The following STARD9 variants were observed in gnomAD, a reference collection of about 807,000 sequenced individuals.
The protein encoded by STARD9 is stAR-related lipid transfer protein 9.
STARD9 carries 346 observed loss-of-function variants against 399.8 expected under a neutral mutation model. The ratio of observed to expected loss-of-function variants is 0.87; its 90% CI spans 0.79 to 0.95. The LOEUF (loss-of-function observed/expected upper bound fraction) is 0.95, where lower values mean the gene tolerates loss of function less well. Ranked by LOEUF, STARD9 falls within the 40% of genes least tolerant of loss-of-function variation. STARD9 has a pLI of 0.00. For synonymous variants in STARD9, 2,203 were observed against 2,143.5 expected (o/e 1.03, Z -0.77); for missense variants, 5,832 against 5,667.5 (o/e 1.03, Z -0.93).
rs1288760397 is a variant in STARD9 at position 42,687,628 on chromosome 15, C to G, written c.6050C>G (p.Pro2017Arg). 6.5e-7 allele frequency: 1 copy of G among 1,536,918 alleles called. No homozygotes were observed. Among genetic ancestry groups the G allele is most frequent in the African/African-American group, 1.4e-5 (1 of 73,012 alleles). ...GTTGCATGCCCTCAGGAAAGAAACC[C>G]CAGTGAATGCAAGTCACAAGAAATG... ...QLVACPQERN[P>R]SECKSQEMLN... Residue 2017 changes from proline (P) to arginine (R), a missense_variant, in exon 23 of 33, where the codon CCC becomes CGC. Physicochemically the swap from Pro to Arg is moderately radical, Grantham distance 103. Around this residue, in one of 2 missense-constraint regions of STARD9, gnomAD observed 5,828 missense variants for 5,651.1 expected, o/e 1.03. Transcript: ENST00000290607.
Position 42,685,467 on chromosome 15 carries a change from T to C in STARD9, c.3889T>C (p.Cys1297Arg), listed in dbSNP as rs988488445. ...ACCCCATTGTGAGCTCCAACCCCAT[T>C]GTGAGCTCCAGCCCCATTGTGAGCA... Reference protein sequence around the residue: ...LQPHCELQPHCELQPHCEQAE... With the variant: ...LQPHCELQPHRELQPHCEQAE... Residue 1297 changes from cysteine (C) to arginine (R), a missense_variant, in exon 23 of 33, where the codon TGT becomes CGT. Transcript: ENST00000290607. The C allele has an allele frequency of 6.5e-7, 1 of 1,530,934 alleles. No homozygotes were observed. Among genetic ancestry groups the C allele is most frequent in the Non-Finnish European group, 8.7e-7 (1 of 1,143,810 alleles). 94.8% of individuals were successfully genotyped at this position (1,530,934 alleles called of 1,614,324 possible). A position where few individuals can be genotyped will look rare whatever the true frequency, so the allele number is the denominator to read the frequency against.
intron 7 of STARD9, among the ~76,000 whole-genome samples, chr15:42,639,692 A>G (rs1214589924): frequency 6.6e-6 from 1 of 151,962 alleles, no homozygotes; most frequent in African/African-American, 2.4e-5. Flanking sequence ...GTGAAACCTT[A>G]TCTCTACTAA....
In STARD9 at chr15:42,690,266, G is replaced by T; in HGVS notation, c.8688G>T (p.Arg2896Ser). The T allele has an allele frequency of 1.3e-6, 2 of 1,537,368 alleles. No individual in the cohort carries two copies. The highest frequency in any genetic ancestry group is 1.7e-6 in the Non-Finnish European group (2 of 1,146,938). ...EVCRAGSKHS[R>S]PIPLPDQRPS... Reference sequence around the variant, plus strand: ...GCAGGGCTGGCAGCAAACATTCCAGGCCAATTCCACTGCCAGATCAAAGAC... The same window carrying T: ...GCAGGGCTGGCAGCAAACATTCCAGTCCAATTCCACTGCCAGATCAAAGAC... The change falls in exon 23 of 33, where the codon AGG becomes AGT. Residue 2896 changes from arginine (R) to serine (S), a missense_variant. By Grantham distance (110) the Arg-to-Ser change is moderately radical (BLOSUM62 -1). This residue lies in a region of STARD9 where 5,828 missense variants were observed against 5,651.1 expected (regional missense o/e 1.03). Transcript: ENST00000290607.
chr15:42,628,016 C>T (rs1462983427), intron 3 of STARD9, among the ~76,000 whole-genome samples: 2 of 152,240 alleles, frequency 1.3e-5, no homozygotes, highest in East Asian at 1.9e-4. Flanking sequence ...CCATACTCTT[C>T]TCCATAGTGG....
At chr15:42,575,829 TC>T (rs1295155758) in intron 1 of STARD9, 67 bp downstream of exon 1, 87 of 1,468,328 alleles carry the variant, frequency 5.9e-5, no homozygotes, top group Non-Finnish European at 7.7e-5. Flanking sequence ...GGTCCGCGTC[TC>T]CCCCTGCAGA....
chr15:42,618,916 A>T (rs1450265901), intron 3 of STARD9, among the ~76,000 whole-genome samples: 2 of 151,890 alleles, frequency 1.3e-5, no homozygotes, highest in African/African-American at 4.8e-5. Flanking sequence ...TTGTCCCCAG[A>T]TATTTTTTTT....
At chr15:42,623,117 T>C (rs1415207854) in intron 3 of STARD9, among the ~76,000 whole-genome samples, 3 of 152,160 alleles carry the variant, frequency 2.0e-5, no homozygotes, top group Admixed American at 2.0e-4. Context: ...CTGGGTGTGG[T>C]GGTGCATGCC....
chr15:42,677,450 G>A (rs1422510837), intron 20 of STARD9, among the ~76,000 whole-genome samples: 1 of 152,186 alleles, frequency 6.6e-6, no homozygotes, highest in East Asian at 1.9e-4. Flanking sequence ...GTGGACTCAG[G>A]ACTTAGGCTG....
chr15:42,613,442 A>T (rs567944865), intron 3 of STARD9, among the ~76,000 whole-genome samples: 6 of 152,296 alleles, frequency 3.9e-5, no homozygotes, highest in African/African-American at 1.2e-4. Context: ...GGTCAAGCAT[A>T]GTGATTAAAA....
Position 42,691,626 on chromosome 15 carries a change from G to T in STARD9, c.10048G>T (p.Glu3350Ter), listed in dbSNP as rs375205552. 6.5e-7 allele frequency: 1 copy of T among 1,537,208 alleles called. No homozygotes were observed. Among genetic ancestry groups the T allele is most frequent in the South Asian group, 1.2e-5 (1 of 84,064 alleles). ...LSVEPPSPTD[E>*]DTQGPNRLWN... ...TGTGGAGCCTCCTTCCCCTACAGACGAAGATACACAGGGGCCTAACAGATT... is the reference window on the plus strand; with the variant it reads ...TGTGGAGCCTCCTTCCCCTACAGACTAAGATACACAGGGGCCTAACAGATT... Residue 3350 changes from glutamate (E) to a stop codon, truncating the protein, a stop_gained, in exon 23 of 33, where the codon GAA (glutamate) becomes TAA (stop). Coordinates refer to ENST00000290607, the MANE Select transcript of STARD9 (RefSeq NM_020759.3). LOFTEE classifies it high-confidence loss of function.
Position 42,692,090 on chromosome 15 carries a change from A to G in STARD9, c.10512A>G (p.Thr3504=), listed in dbSNP as rs16957063. The part of the protein sequence containing the change: ...VSCSQKPQGL[T]LSNVARCSSM... ...GCAGCCAGAAGCCCCAGGGGCTGAC[A>G]CTATCAAATGTGGCCCGGTGCTCCA... Residue 3504 remains threonine, a synonymous_variant, in exon 23 of 33, where the codon ACA becomes ACG. Coordinates refer to ENST00000290607, the MANE Select transcript of STARD9 (RefSeq NM_020759.3). 0.021 allele frequency: 32,094 copies of G among 1,537,146 alleles called. 1,352 individuals are homozygous for G. The highest frequency in any genetic ancestry group is 0.17 in the African/African-American group (12,745 of 73,102).
chr15:42,684,381 G>A lies in STARD9; in HGVS notation c.2803G>A (p.Glu935Lys). Residue 935 changes from glutamate (E) to lysine (K), a missense_variant, in exon 23 of 33, where the codon GAG (glutamate) becomes AAG (lysine). By Grantham distance (56) the Glu-to-Lys change is moderately conservative. Around this residue, in one of 2 missense-constraint regions of STARD9, gnomAD observed 5,828 missense variants for 5,651.1 expected, o/e 1.03. Coordinates refer to ENST00000290607, the MANE Select transcript of STARD9 (RefSeq NM_020759.3). ...SPNSVGIQEM[E>K]MGVKQPHQMV... ...CAACTCTGTTGGCATCCAGGAAATG[G>A]AGATGGGGGTTAAGCAGCCCCATCA... 1 of 1,537,066 alleles carries A rather than the reference G, an allele frequency of 6.5e-7. No individual in the cohort carries two copies. The highest frequency in any genetic ancestry group is 8.7e-7 in the Non-Finnish European group (1 of 1,146,852).
chr15:42,636,727 C>T (rs990804271), intron 4 of STARD9, among the ~76,000 whole-genome samples: 13 of 152,118 alleles, frequency 8.5e-5, no homozygotes, highest in African/African-American at 3.1e-4. Context: ...GCTCATTGCT[C>T]GCTTTGTCCT....
intron 1 of STARD9, among the ~76,000 whole-genome samples, chr15:42,577,328 T>C (rs1277850398): frequency 6.6e-6 from 1 of 152,160 alleles, no homozygotes; most frequent in Non-Finnish European, 1.5e-5. Flanking sequence ...TAATTTTTTG[T>C]ATTTTTAGTA....
chr15:42,689,287 C>A lies in STARD9; in HGVS notation c.7709C>A (p.Ala2570Asp), dbSNP rs932472695. The A allele has an allele frequency of 1.3e-6, 2 of 1,537,234 alleles. No homozygotes were observed. The highest frequency in any genetic ancestry group is 2.7e-5 in the African/African-American group (2 of 73,156). The change falls in exon 23 of 33, where the codon GCC becomes GAC. Residue 2570 changes from alanine (A) to aspartate (D), a missense_variant. Ala to Asp is a moderately radical substitution (Grantham distance 126). Around this residue, in one of 2 missense-constraint regions of STARD9, gnomAD observed 5,828 missense variants for 5,651.1 expected, o/e 1.03. Coordinates refer to ENST00000290607, the MANE Select transcript of STARD9 (RefSeq NM_020759.3). ...AGAAAGCAGCTTCATGACTTTGTGG[C>A]CAGGGGCACAGTCCTTTCTTACTGT... Reference protein sequence around the residue: ...AQRKQLHDFVARGTVLSYCET... With the variant: ...AQRKQLHDFVDRGTVLSYCET...
chr15:42,644,873 C>T (rs2059616907), intron 7 of STARD9, among the ~76,000 whole-genome samples: 1 of 152,178 alleles, frequency 6.6e-6, no homozygotes, highest in Non-Finnish European at 1.5e-5. Flanking sequence ...TGTCATTTCA[C>T]ACAGCATCTT....
chr15:42,681,741 C>T, intron 21 of STARD9, 129 bp downstream of exon 21: 1 of 877,892 alleles, frequency 1.1e-6, no homozygotes, highest in South Asian at 1.9e-5. Flanking sequence ...TAGGTGTTCT[C>T]TTTTCTTTTA....
chr15:42,612,892 G>A (rs2058880578), intron 3 of STARD9, among the ~76,000 whole-genome samples: 1 of 151,368 alleles, frequency 6.6e-6, no homozygotes, highest in African/African-American at 2.4e-5. Context: ...GCTGAGGCAG[G>A]AGAATTGCTT....
rs1198239379 is a variant in STARD9, at chr15:42,695,161, G to T, written c.12984G>T (p.Arg4328Ser). The T allele has an allele frequency of 1.3e-6, 2 of 1,534,438 alleles. No homozygotes were observed. The change falls in exon 25 of 33, where the codon AGG becomes AGT. Residue 4328 changes from arginine (R) to serine (S), a missense_variant. Arg to Ser is a moderately radical substitution (Grantham distance 110). Around this residue, in one of 2 missense-constraint regions of STARD9, gnomAD observed 5,828 missense variants for 5,651.1 expected, o/e 1.03. Transcript: ENST00000290607. ...TCAGGAGCCCAGAGTCAGTGTCAAG[G>T]TCAGCTCACACACCCTCTGACATAG... ...ETTRSPESVS[R>S]SAHTPSDIEL...
Sources: gnomAD v4.1 joint callset for allele counts (sites outside exome capture counted in the v4.1 genomes callset) on GRCh38, gnomAD v4.1.1 for gene constraint, gnomAD v4.1.1 regional missense constraint, MANE v1.5 for transcripts, NCBI Gene and HGNC (gene_info 2026-07-23, HGNC 2026-07-21) for gene names.